CAMK1D: variants seen among roughly 807,000 people sequenced by gnomAD.
CAMK1D encodes calcium/calmodulin-dependent protein kinase type 1D.
CAMK1D carries 9 observed loss-of-function variants against 47.7 expected under a neutral mutation model. The ratio of observed to expected loss-of-function variants is 0.19; its 90% CI spans 0.11 to 0.33. The LOEUF (loss-of-function observed/expected upper bound fraction) is 0.33. CAMK1D is among the 10% of genes least tolerant of loss of function. The pLI is 1.00. For missense variants in CAMK1D, 291 were observed against 488.7 expected, an observed-to-expected ratio of 0.60 and a Z score of 3.81; for synonymous variants, 184 against 184.9, an observed-to-expected ratio of 0.99 and a Z score of 0.04.
At chr10:12,411,725 A>C (rs958806132) in intron 1 of CAMK1D, among the ~76,000 whole-genome samples, 10 of 151,596 alleles carry the variant, frequency 6.6e-5, no homozygotes, top group African/African-American at 2.4e-4. Context: ...CAGCCTCCCG[A>C]GTAGCTGGGA....
At chr10:12,790,556 A>G (rs907751457) in intron 5 of CAMK1D, among the ~76,000 whole-genome samples, 7 of 151,592 alleles carry the variant, frequency 4.6e-5, no homozygotes, top group African/African-American at 1.2e-4. Context: ...GCCATGTATT[A>G]TGTGTTTGTT....
At chr10:12,656,062 G>T (rs1246593058) in intron 2 of CAMK1D, among the ~76,000 whole-genome samples, 1 of 152,194 alleles carries the variant, frequency 6.6e-6, no homozygotes, top group East Asian at 1.9e-4. Context: ...GGACTTTCTG[G>T]TCTGGCTGGT....
intron 3 of CAMK1D, among the ~76,000 whole-genome samples, chr10:12,758,306 A>G (rs1836330027): frequency 6.6e-6 from 1 of 152,236 alleles, no homozygotes. Context: ...TGCAGGCTTA[A>G]GGAGAATTTT....
chr10:12,803,657 A>AAAT lies in CAMK1D; in HGVS notation c.642-10520_642-10518dup, dbSNP rs374759038. Among the ~76,000 whole-genome samples the AAAT allele has an allele frequency of 3.0e-3, 454 of 151,876 alleles. 2 individuals are homozygous for AAAT. The highest frequency in any genetic ancestry group is 9.8e-3 in the African/African-American group (408 of 41,442). The stretch of plus-strand genomic sequence containing the variant: ...GTAACAGAGGGAGACTCCATCTCAA[A>AAAT]AATAATAATAATAATAATAACTATG... On this transcript the variant is annotated intron_variant, in intron 6 of 10. Transcript: ENST00000619168.
chr10:12,698,006 C>A (rs1394529014), intron 3 of CAMK1D, among the ~76,000 whole-genome samples: 1 of 152,144 alleles, frequency 6.6e-6, no homozygotes, highest in Non-Finnish European at 1.5e-5. Flanking sequence ...GTTGGTTTGA[C>A]AGGAAAGCTG....
chr10:12,611,588 CTTTTTTT>C (rs71386105), intron 2 of CAMK1D, among the ~76,000 whole-genome samples: 4 of 59,906 alleles, frequency 6.7e-5, no homozygotes, highest in Non-Finnish European at 1.3e-4. Context: ...TTCAGAATGC[CTTTTTTT>C]TTTTTTTTTT....
intron 5 of CAMK1D, among the ~76,000 whole-genome samples, chr10:12,789,092 C>T (rs564007517): frequency 7.2e-5 from 11 of 152,282 alleles, no homozygotes; most frequent in African/African-American, 1.7e-4. Context: ...GAGAGGATTT[C>T]CCTTTTCATT....
chr10:12,456,946 A>G (rs1001890895), intron 1 of CAMK1D, among the ~76,000 whole-genome samples: 2 of 152,122 alleles, frequency 1.3e-5, no homozygotes, highest in Non-Finnish European at 2.9e-5. Flanking sequence ...ATGTGATGAA[A>G]TGACATTTGC....
intron 3 of CAMK1D, among the ~76,000 whole-genome samples, chr10:12,745,355 G>A (rs1366654669): frequency 6.6e-6 from 1 of 152,146 alleles, no homozygotes; most frequent in Non-Finnish European, 1.5e-5. Context: ...TTAAGACCCA[G>A]ATTGACCAAA....
chr10:12,448,708 C>T (rs1444270315), intron 1 of CAMK1D, among the ~76,000 whole-genome samples: 2 of 152,236 alleles, frequency 1.3e-5, no homozygotes, highest in African/African-American at 4.8e-5. Context: ...TTATTTTTCT[C>T]TTTTACTTTT....
chr10:12,576,068 C>G (rs1837480831), intron 2 of CAMK1D, among the ~76,000 whole-genome samples: 1 of 152,166 alleles, frequency 6.6e-6, no homozygotes, highest in African/African-American at 2.4e-5. Flanking sequence ...TTAAAATACT[C>G]TCTTATTCAT....
At chr10:12,410,687 C>T (rs538655429) in intron 1 of CAMK1D, among the ~76,000 whole-genome samples, 53 of 152,224 alleles carry the variant, frequency 3.5e-4, no homozygotes, top group Admixed American at 5.9e-4. Context: ...TATTTGACAA[C>T]AGATATTAGT....
chr10:12,564,360 A>G (rs1327047535), intron 2 of CAMK1D, among the ~76,000 whole-genome samples: 4 of 151,688 alleles, frequency 2.6e-5, no homozygotes, highest in Non-Finnish European at 5.9e-5. Flanking sequence ...TCTGTCTTCT[A>G]TGTGGTTTTG....
chr10:12,444,859 A>G (rs952150489), intron 1 of CAMK1D, among the ~76,000 whole-genome samples: 1 of 152,252 alleles, frequency 6.6e-6, no homozygotes, highest in African/African-American at 2.4e-5. Context: ...AACAGGCTTC[A>G]GAGAGATTAG....
At chr10:12,828,665 C>CCT (rs1328742700) in intron 10 of CAMK1D, 104 bp from the exon 11 acceptor site, 1 of 827,304 alleles carries the variant, frequency 1.2e-6, no homozygotes, top group South Asian at 1.5e-5. Context: ...ATTGGGCCCC[C>CCT]CCGCCCCCCA....
intron 1 of CAMK1D, among the ~76,000 whole-genome samples, chr10:12,446,852 T>C (rs1353346829): frequency 2.0e-5 from 3 of 152,222 alleles, no homozygotes; most frequent in South Asian, 4.1e-4. Context: ...TGCTGTATCT[T>C]AGTTGGATGT....
intron 6 of CAMK1D, among the ~76,000 whole-genome samples, chr10:12,797,033 CAGA>C (rs1225191286): frequency 6.6e-6 from 1 of 152,150 alleles, no homozygotes; most frequent in Non-Finnish European, 1.5e-5. Context: ...AAATGAAAAG[CAGA>C]AGTTTTCTTT....
rs1398668381 is a variant in CAMK1D at position 12,828,869 on chromosome 10, G to A, written c.1140G>A (p.Val380=). The A allele has an allele frequency of 6.2e-7, 1 of 1,612,596 alleles. No homozygotes were observed. Among genetic ancestry groups the A allele is most frequent in the Non-Finnish European group, 8.5e-7 (1 of 1,179,552 alleles). Residue 380 remains valine, a synonymous_variant, in exon 11 of 11, where the codon GTG becomes GTA. Coordinates refer to ENST00000619168, the MANE Select transcript of CAMK1D (RefSeq NM_153498.4). ...RRPRPTTVTA[V]HSGSK ...CCAGGCCCACCACTGTGACGGCAGTGCACTCTGGAAGCAAGTGACTGGCCC... is the reference window on the plus strand; with the variant it reads ...CCAGGCCCACCACTGTGACGGCAGTACACTCTGGAAGCAAGTGACTGGCCC...
intron 1 of CAMK1D, among the ~76,000 whole-genome samples, chr10:12,508,883 C>A (rs1034933783): frequency 6.6e-6 from 1 of 152,152 alleles, no homozygotes; most frequent in Non-Finnish European, 1.5e-5. Flanking sequence ...TTAAAGGAAA[C>A]CACATTCATA....
Sources: gnomAD v4.1 joint callset for allele counts (sites outside exome capture counted in the v4.1 genomes callset) on GRCh38, gnomAD v4.1.1 for gene constraint, MANE v1.5 for transcripts, NCBI Gene and HGNC (gene_info 2026-07-23, HGNC 2026-07-21) for gene names.